ZC3H14: variants seen among roughly 807,000 people sequenced by gnomAD.
The protein encoded by ZC3H14 is zinc finger CCCH domain-containing protein 14.
A neutral mutation model predicts 92.4 loss-of-function variants in ZC3H14; 31 were observed. That is an observed-to-expected ratio of 0.34 (90% confidence interval 0.25 to 0.45). The LOEUF (loss-of-function observed/expected upper bound fraction) is 0.45. Ranked by LOEUF, ZC3H14 falls within the 20% of genes least tolerant of loss-of-function variation. The probability of loss-of-function intolerance (pLI) is 1.00; values close to 1 mark genes in which losing one functional copy is unlikely to be tolerated. For synonymous variants in ZC3H14, 321 were observed against 300.9 expected, an observed-to-expected ratio of 1.07 and a Z score of -0.69; for missense variants, 781 against 897.3, an observed-to-expected ratio of 0.87 and a Z score of 1.66.
Position 88,596,758 on chromosome 14 carries a change from C to T in ZC3H14, c.1304C>T (p.Ser435Phe), listed in dbSNP as rs45518831. ...GGAACTCAACAGAGGCAATTATTATCCCGACTGCAAATCGACCCAGTAATG... is the reference window on the plus strand; with the variant it reads ...GGAACTCAACAGAGGCAATTATTATTCCGACTGCAAATCGACCCAGTAATG... ...NQGTQQRQLL[S>F]RLQIDPVMAE... Residue 435 changes from serine to phenylalanine, a missense_variant, in exon 10 of 17, where the codon TCC becomes TTC. Ser to Phe is a radical substitution (Grantham distance 155). Around this residue, in one of 3 missense-constraint regions of ZC3H14, gnomAD observed 454 missense variants for 438.5 expected, o/e 1.04. Coordinates refer to ENST00000251038, the MANE Select transcript of ZC3H14 (RefSeq NM_024824.5). The T allele has an allele frequency of 3.3e-3, 5,260 of 1,613,982 alleles. 32 individuals are homozygous for T. Among genetic ancestry groups the T allele is most frequent in the Non-Finnish European group, 3.1e-3 (3,714 of 1,179,924 alleles).
At chr14:88,608,544 G>C (rs1472310094) in intron 13 of ZC3H14, 1 of 250,714 alleles carries the variant, frequency 4.0e-6, no homozygotes, top group African/African-American at 2.3e-5. Flanking sequence ...CAAGGGTGGG[G>C]GGGCTTTGTT....
intron 12 of ZC3H14, among the ~76,000 whole-genome samples, chr14:88,603,943 G>A (rs761480397): frequency 9.2e-5 from 14 of 152,166 alleles, no homozygotes; most frequent in African/African-American, 2.4e-4. Flanking sequence ...AATTGGTTGC[G>A]TTTCCTACTG....
At chr14:88,598,700 C>G (rs962127032) in intron 10 of ZC3H14, among the ~76,000 whole-genome samples, 2 of 152,246 alleles carry the variant, frequency 1.3e-5, no homozygotes, top group African/African-American at 4.8e-5. Context: ...CATCCATAGG[C>G]CTCTCCGAAG....
chr14:88,575,156 T>A (rs968529578), intron 7 of ZC3H14, among the ~76,000 whole-genome samples: 3 of 152,074 alleles, frequency 2.0e-5, no homozygotes, highest in Non-Finnish European at 2.9e-5. Flanking sequence ...CAGGCTGGTC[T>A]CGAACTCCTG....
chr14:88,611,053 T>G, intron 16 of ZC3H14, 113 bp downstream of exon 16: 1 of 1,073,432 alleles, frequency 9.3e-7, no homozygotes, highest in Non-Finnish European at 1.4e-6. Context: ...TTTGAATTTT[T>G]TTCTTTGCTG....
intron 9 of ZC3H14, among the ~76,000 whole-genome samples, chr14:88,583,079 A>AT (rs34990579): frequency 0.38 from 48,607 of 129,166 alleles, 10,041 homozygotes; most frequent in Middle Eastern, 0.48. Context: ...GGCTTTATTG[A>AT]TTTTTTTTTT....
Position 88,627,235 on chromosome 14 carries a change from G to C in ZC3H14, c.*15484G>C, listed in dbSNP as rs890008798. On this transcript the variant is annotated 3_prime_UTR_variant, in exon 17 of 17. Transcript: ENST00000251038. ...TATTGAGTCCTTTTCACTTATCTTCGCTCCATTAACTTTTCTTTATATAAC... is the reference window on the plus strand; with the variant it reads ...TATTGAGTCCTTTTCACTTATCTTCCCTCCATTAACTTTTCTTTATATAAC... 3 of 604,360 alleles carry C rather than the reference G, an allele frequency of 5.0e-6. No homozygotes were observed. Among genetic ancestry groups the C allele is most frequent in the Admixed American group, 6.0e-5 (2 of 33,480 alleles). 37.4% of individuals were successfully genotyped at this position (604,360 alleles called of 1,614,324 possible). A position where few individuals can be genotyped will look rare whatever the true frequency, so the allele number is the denominator to read the frequency against.
At chr14:88,600,570 T>A (rs1038319488) in intron 10 of ZC3H14, among the ~76,000 whole-genome samples, 1 of 152,072 alleles carries the variant, frequency 6.6e-6, no homozygotes, top group African/African-American at 2.4e-5. Flanking sequence ...GCCTCCCAAG[T>A]AGCTGGGACT....
chr14:88,626,821 C>G lies in ZC3H14; in HGVS notation c.*15070C>G. ...AAAGTAGTCAAAGTCACACTATGTG[C>G]ATTTTAAGAGACATACTGCACCAAA... On this transcript the variant is annotated 3_prime_UTR_variant, in exon 17 of 17. Transcript: ENST00000251038. The G allele has an allele frequency of 6.2e-7, 1 of 1,612,806 alleles. No homozygotes were observed. The highest frequency in any genetic ancestry group is 8.5e-7 in the Non-Finnish European group (1 of 1,179,338).
At chr14:88,563,379 G>A in intron 1 of ZC3H14, 1 of 1,441,064 alleles carries the variant, frequency 6.9e-7, no homozygotes, top group East Asian at 2.6e-5. Flanking sequence ...TAGCCGCCGG[G>A]AAATGGAAGG....
At chr14:88,604,775 G>A (rs2085125222) in intron 12 of ZC3H14, among the ~76,000 whole-genome samples, 1 of 152,004 alleles carries the variant, frequency 6.6e-6, no homozygotes, top group Non-Finnish European at 1.5e-5. Context: ...TGTAGTTTAA[G>A]TAGAGACGGG....
chr14:88,591,770 C>G (rs903668959), intron 9 of ZC3H14: 1 of 152,092 alleles, frequency 6.6e-6, no homozygotes, highest in Non-Finnish European at 1.5e-5. Context: ...TTTACTTACG[C>G]ACACACACAC....
intron 9 of ZC3H14, among the ~76,000 whole-genome samples, chr14:88,588,218 G>T (rs1268698214): frequency 6.6e-6 from 1 of 152,052 alleles, no homozygotes; most frequent in East Asian, 1.9e-4. Flanking sequence ...CTTGCTCTAG[G>T]CCTGCTCAAG....
intron 14 of ZC3H14, 138 bp downstream of exon 14, chr14:88,609,541 G>T (rs2086189189): frequency 7.1e-7 from 1 of 1,401,518 alleles, no homozygotes; most frequent in African/African-American, 1.4e-5. Flanking sequence ...AGTCTTTAAA[G>T]AGCAAGTGTG....
Position 88,616,346 on chromosome 14 carries a change from G to T in ZC3H14, c.*4595G>T. ...TATGACAAGAGCTGTGGAGAGAGTA[G>T]GGAGTTAGCACCGCAGCCAGTGATT... On this transcript the variant is annotated 3_prime_UTR_variant, in exon 17 of 17. Transcript: ENST00000251038. 1 of 1,145,410 alleles carries T rather than the reference G, an allele frequency of 8.7e-7. No individual in the cohort carries two copies. The highest frequency in any genetic ancestry group is 1.3e-5 in the South Asian group (1 of 76,586). The allele number at this position is 1,145,410 out of a possible 1,614,324, so 71.0% of individuals were successfully genotyped here.
In ZC3H14 at chr14:88,572,745, C is replaced by T. The variant is rs1232183739; in HGVS notation, c.599C>T (p.Thr200Ile). Residue 200 changes from threonine to isoleucine, a missense_variant, in exon 6 of 17, where the codon ACA (threonine) becomes ATA (isoleucine). Coordinates refer to ENST00000251038, the MANE Select transcript of ZC3H14 (RefSeq NM_024824.5). ...QENPLSQKKPTVTLTYGSSRP... is the reference protein window; with the variant it reads ...QENPLSQKKPIVTLTYGSSRP... Reference sequence around the variant, plus strand: ...AATCCCTTATCTCAGAAAAAACCTACAGTGACACTTACATATGGTTCTTCT... The same window carrying T: ...AATCCCTTATCTCAGAAAAAACCTATAGTGACACTTACATATGGTTCTTCT... 4 of 1,614,102 alleles carry T rather than the reference C, an allele frequency of 2.5e-6. No individual in the cohort carries two copies. The highest frequency in any genetic ancestry group is 1.3e-5 in the African/African-American group (1 of 74,944).
intron 9 of ZC3H14, among the ~76,000 whole-genome samples, chr14:88,580,875 A>G (rs80300169): frequency 1.3e-5 from 2 of 152,218 alleles, no homozygotes; most frequent in Non-Finnish European, 2.9e-5. Context: ...ATTATCATCA[A>G]ACTTTTCAAC....
chr14:88,595,285 T>G (rs1400643346), intron 9 of ZC3H14, among the ~76,000 whole-genome samples: 1 of 152,226 alleles, frequency 6.6e-6, no homozygotes, highest in Admixed American at 6.5e-5. Context: ...AATCTAGAAT[T>G]GATCAGAATT....
Position 88,572,650 on chromosome 14 carries a change from T to C in ZC3H14, c.504T>C (p.Ser168=). 6.2e-7 allele frequency: 1 copy of C among 1,614,218 alleles called. No individual in the cohort carries two copies. The highest frequency in any genetic ancestry group is 1.1e-5 in the South Asian group (1 of 91,088). The change falls in exon 6 of 17, where the codon TCT becomes TCC. Residue 168 remains serine, a synonymous_variant. Transcript: ENST00000251038. ...AACCTTTGAGGGAGCCAGCACCCTC[T>C]GAAGATGTGATTGATATTAAGCCAG... ...TVKPLREPAP[S]EDVIDIKPEP...
Sources: gnomAD v4.1 joint callset for allele counts (sites outside exome capture counted in the v4.1 genomes callset) on GRCh38, gnomAD v4.1.1 for gene constraint, gnomAD v4.1.1 regional missense constraint, MANE v1.5 for transcripts, NCBI Gene and HGNC (gene_info 2026-07-23, HGNC 2026-07-21) for gene names.